The following FMN1 variants were observed in gnomAD, a reference collection of about 807,000 sequenced individuals.
The protein encoded by FMN1 is formin-1.
A neutral mutation model predicts 132.4 loss-of-function variants in FMN1; 110 were observed. The ratio of observed to expected loss-of-function variants is 0.83; its 90% confidence interval spans 0.71 to 0.97. FMN1 has a LOEUF of 0.97. Among genes scored for constraint, FMN1 ranks in the 50% least tolerant of loss-of-function variants. The pLI is 0.00. For synonymous variants in FMN1, 722 were observed against 651.7 expected (o/e 1.11, Z -1.64); for missense variants, 1,792 against 1,705.3 (o/e 1.05, Z -0.90).
At chr15:32,882,952 A>G (rs1342456631) in intron 16 of FMN1, among the ~76,000 whole-genome samples, 1 of 152,262 alleles carries the variant, frequency 6.6e-6, no homozygotes, top group Non-Finnish European at 1.5e-5. Context: ...TGACAGAACA[A>G]GAGCCAGCAT....
chr15:32,935,022 A>C (rs2061227638), intron 9 of FMN1, among the ~76,000 whole-genome samples: 1 of 151,786 alleles, frequency 6.6e-6, no homozygotes, highest in South Asian at 2.1e-4. Context: ...CCTGAGTTCA[A>C]GCGATTCTCC....
At chr15:32,796,787 T>C (rs2057304792) in intron 19 of FMN1, among the ~76,000 whole-genome samples, 1 of 152,216 alleles carries the variant, frequency 6.6e-6, no homozygotes, top group Non-Finnish European at 1.5e-5. Context: ...AGGAGTAATA[T>C]ACATAATGTG....
chr15:33,130,633 A>C (rs138989467), intron 4 of FMN1, among the ~76,000 whole-genome samples: 4 of 152,346 alleles, frequency 2.6e-5, no homozygotes, highest in African/African-American at 9.6e-5. Flanking sequence ...CCAAATCATT[A>C]AGTGATAATT....
At chr15:32,911,242 G>A (rs1197423740) in intron 10 of FMN1, among the ~76,000 whole-genome samples, 1 of 152,152 alleles carries the variant, frequency 6.6e-6, no homozygotes, top group Non-Finnish European at 1.5e-5. Flanking sequence ...TGCAAAAATT[G>A]AGACTTAAAA....
chr15:32,956,555 T>C lies in FMN1; in HGVS notation c.3138+7552A>G, dbSNP rs78371545. ...AGGAAAGCCCTGATCATTCCAGATA[T>C]CACTCAAGAAATCGGGACAGAGCGC... On this transcript the variant is annotated intron_variant, in intron 9 of 20. Coordinates refer to ENST00000616417, the MANE Select transcript of FMN1 (RefSeq NM_001277313.2). Among the ~76,000 whole-genome samples the C allele has an allele frequency of 2.1e-3, 325 of 152,126 alleles. 4 individuals carry two copies. In the East Asian group the frequency reaches 0.032, roughly 15 times the overall value.
chr15:33,153,106 CAA>C lies in FMN1; in HGVS notation c.1807_1808del (p.Leu603GlyfsTer12). On this transcript the variant is annotated frameshift_variant, in exon 4 of 21. Coordinates refer to ENST00000616417, the MANE Select transcript of FMN1 (RefSeq NM_001277313.2). LOFTEE classifies it high-confidence loss of function. ...GQPRLVPGETLEKSLGPGKTT... is the reference protein window; with the variant it reads ...GQPRLVPGETXEKSLGPGKTT... ...TCTTCCCTGGCCCCAAGCTCTTTTC[CAA>C]AGTTTCCCCAGGCACCAACCGAGGT... 2.0e-6 allele frequency: 3 copies of C among 1,535,972 alleles called. No individual in the cohort carries two copies. The highest frequency in any genetic ancestry group is 2.6e-6 in the Non-Finnish European group (3 of 1,146,846).
intron 5 of FMN1, among the ~76,000 whole-genome samples, chr15:33,082,779 G>A (rs190775166): frequency 6.6e-6 from 1 of 151,998 alleles, no homozygotes; most frequent in Non-Finnish European, 1.5e-5. Context: ...TGCTACCCAA[G>A]GGCAATTCAC....
chr15:33,014,321 G>A (rs979833218), intron 6 of FMN1, among the ~76,000 whole-genome samples: 4 of 152,216 alleles, frequency 2.6e-5, no homozygotes, highest in Non-Finnish European at 5.9e-5. Flanking sequence ...TGAGTGTGAG[G>A]ATGGGGAGGC....
chr15:32,999,397 T>C (rs574145146), intron 7 of FMN1, among the ~76,000 whole-genome samples: 4 of 152,240 alleles, frequency 2.6e-5, no homozygotes, highest in Non-Finnish European at 5.9e-5. Context: ...TAGAAATGGA[T>C]GAGTGGAATG....
At chr15:32,807,233 T>G (rs774750150) in intron 17 of FMN1, among the ~76,000 whole-genome samples, 1 of 152,240 alleles carries the variant, frequency 6.6e-6, no homozygotes, top group African/African-American at 2.4e-5. Flanking sequence ...TTTCAACTAG[T>G]AAAACTTATT....
intron 17 of FMN1, among the ~76,000 whole-genome samples, chr15:32,819,178 G>A (rs1368133915): frequency 1.3e-5 from 2 of 152,026 alleles, no homozygotes; most frequent in African/African-American, 2.4e-5. Context: ...GCTCCGAGGA[G>A]GGGGAGGAAA....
rs2056048496 is a variant in FMN1, at chr15:32,766,450, G to A, written c.*7860C>T. ...TGCATCATAGCTGGTGACCCGGTCT[G>A]ATGTACAAATTTATCAAGAGAATGG... is the stretch of plus-strand genomic sequence containing the variant. On this transcript the variant is annotated 3_prime_UTR_variant, in exon 21 of 21. Coordinates refer to ENST00000616417, the MANE Select transcript of FMN1 (RefSeq NM_001277313.2). The A allele has an allele frequency of 6.6e-6, 1 of 151,984 alleles. No homozygotes were observed. The highest frequency in any genetic ancestry group is 1.9e-4 in the East Asian group (1 of 5,184). 9.4% of individuals were successfully genotyped at this position (151,984 alleles called of 1,614,324 possible). A position where few individuals can be genotyped will look rare whatever the true frequency, so the allele number is the denominator to read the frequency against.
rs368225651 is a variant in FMN1 at position 32,890,270 on chromosome 15, TC to T, written c.3715-1979del. Among the ~76,000 whole-genome samples the T allele has an allele frequency of 4.2e-3, 635 of 152,314 alleles. 1 individual carries two copies. The highest frequency in any genetic ancestry group is 0.015 in the African/African-American group (604 of 41,578). On this transcript the variant is annotated intron_variant, in intron 15 of 20. Transcript: ENST00000616417. ...ATCTTTTTCATATAATGACTTCTTT[TC>T]CTCTGGATAGATACCCAGTAGTGGG...
intron 9 of FMN1, among the ~76,000 whole-genome samples, chr15:32,948,259 G>C (rs2061551620): frequency 6.6e-6 from 1 of 151,620 alleles, no homozygotes; most frequent in South Asian, 2.1e-4. Flanking sequence ...AATCAAATTT[G>C]CCAGTCTGGA....
At chr15:32,891,105 T>C (rs2060017128) in intron 15 of FMN1, among the ~76,000 whole-genome samples, 1 of 152,220 alleles carries the variant, frequency 6.6e-6, no homozygotes, top group Non-Finnish European at 1.5e-5. Flanking sequence ...ATGTGCCTAT[T>C]TTTATACCAG....
intron 6 of FMN1, among the ~76,000 whole-genome samples, chr15:33,031,641 C>T (rs2035942794): frequency 6.6e-6 from 1 of 152,172 alleles, no homozygotes; most frequent in African/African-American, 2.4e-5. Flanking sequence ...ATAAAGGAGC[C>T]ACAGCTGAAT....
At chr15:32,869,726 G>T (rs62001315) in intron 16 of FMN1, among the ~76,000 whole-genome samples, 29,224 of 152,164 alleles carry the variant, frequency 0.19, 3,521 homozygotes, top group East Asian at 0.28. Context: ...AGAAGAGCTG[G>T]TCAGTAGGAA....
chr15:32,899,854 T>C, intron 14 of FMN1, 125 bp downstream of exon 14: 1 of 938,460 alleles, frequency 1.1e-6, no homozygotes, highest in Admixed American at 2.4e-5. Context: ...ATGCATGCTC[T>C]AATATAAATG....
intron 5 of FMN1, among the ~76,000 whole-genome samples, chr15:33,072,847 C>CATG (rs2038049584): frequency 6.6e-6 from 1 of 150,694 alleles, no homozygotes; most frequent in African/African-American, 2.4e-5. Flanking sequence ...CACTTGAACC[C>CATG]ATGAGGTGGA....
Sources: allele counts gnomAD v4.1 joint callset (sites outside exome capture counted in the v4.1 genomes callset), GRCh38; gene constraint gnomAD v4.1.1; transcripts MANE v1.5; gene names NCBI Gene and HGNC (gene_info 2026-07-23, HGNC 2026-07-21).